EPHA5: variants seen among roughly 807,000 people sequenced by gnomAD.
The protein encoded by EPHA5 is ephrin type-A receptor 5.
EPHA5 carries 60 observed loss-of-function variants against 105.0 expected under a neutral mutation model. The observed-to-expected ratio is 0.57, with a 90% CI of 0.46 to 0.71. EPHA5 has a LOEUF of 0.71. EPHA5 is among the 30% of genes least tolerant of loss of function. EPHA5 has a pLI of 0.00. For synonymous variants in EPHA5, 513 were observed against 449.1 expected, an observed-to-expected ratio of 1.14 and a Z score of -1.80; for missense variants, 1,218 against 1,274.7, an observed-to-expected ratio of 0.96 and a Z score of 0.68.
At chr4:65,378,007 A>C (rs1719177035) in intron 8 of EPHA5, among the ~76,000 whole-genome samples, 1 of 151,892 alleles carries the variant, frequency 6.6e-6, no homozygotes. Context: ...ATTTCTAGAA[A>C]TGTATCTATT....
Position 65,332,012 on chromosome 4 carries a change from C to T in EPHA5, c.2906G>A (p.Gly969Glu), listed in dbSNP as rs2148798358. ...GRYTEIFMENGYSSMDAVAQV... is the reference protein window; with the variant it reads ...GRYTEIFMENEYSSMDAVAQV... Reference sequence around the variant, plus strand: ...AGCCACAGCGTCCATTGAACTGTATCCATTTTCCATGAAAATCTCTGTATA... The same window carrying T: ...AGCCACAGCGTCCATTGAACTGTATTCATTTTCCATGAAAATCTCTGTATA... The change falls in exon 16 of 17, where the codon GGA becomes GAA. Residue 969 changes from glycine (G) to glutamate (E), a missense_variant. Gly to Glu is a moderately conservative substitution (Grantham distance 98, BLOSUM62 -2). Coordinates refer to ENST00000613740, the MANE Select transcript of EPHA5 (RefSeq NM_001281766.3). 6.2e-7 allele frequency: 1 copy of T among 1,611,662 alleles called. No individual in the cohort carries two copies. The highest frequency in any genetic ancestry group is 8.5e-7 in the Non-Finnish European group (1 of 1,178,568).
intron 7 of EPHA5, among the ~76,000 whole-genome samples, chr4:65,405,688 TTC>T (rs1397116561): frequency 3.3e-5 from 5 of 152,154 alleles, no homozygotes; most frequent in African/African-American, 1.2e-4. Context: ...TGCTCTTACC[TTC>T]TCTCTTTTTG....
chr4:65,653,762 ATAAT>A (rs1748816523), intron 1 of EPHA5, among the ~76,000 whole-genome samples: 1 of 152,122 alleles, frequency 6.6e-6, no homozygotes, highest in Non-Finnish European at 1.5e-5. Context: ...AATAAAAGAA[ATAAT>A]TAAAATAAAA....
At chr4:65,575,611 AG>A (rs904360479) in intron 3 of EPHA5, among the ~76,000 whole-genome samples, 17 of 152,268 alleles carry the variant, frequency 1.1e-4, no homozygotes, top group Non-Finnish European at 1.9e-4. Flanking sequence ...ATTTGTTAAA[AG>A]GCCATTAATA....
intron 1 of EPHA5, among the ~76,000 whole-genome samples, chr4:65,645,271 G>A (rs1164894329): frequency 2.0e-5 from 3 of 151,992 alleles, no homozygotes; most frequent in Non-Finnish European, 4.4e-5. Context: ...AAATACCAAG[G>A]GGTTGCAGAA....
chr4:65,419,167 A>C (rs186695839), intron 6 of EPHA5, among the ~76,000 whole-genome samples: 1 of 152,060 alleles, frequency 6.6e-6, no homozygotes, highest in East Asian at 1.9e-4. Context: ...TACAGGCATG[A>C]GCCACCGCAC....
chr4:65,626,888 G>T (rs189251308), intron 2 of EPHA5, among the ~76,000 whole-genome samples: 1 of 152,226 alleles, frequency 6.6e-6, no homozygotes, highest in African/African-American at 2.4e-5. Flanking sequence ...TAAATTAAAA[G>T]GGAATTGATT....
At chr4:65,534,535 C>T (rs1442707876) in intron 3 of EPHA5, among the ~76,000 whole-genome samples, 1 of 152,164 alleles carries the variant, frequency 6.6e-6, no homozygotes, top group East Asian at 1.9e-4. Context: ...AAACCTCTTC[C>T]TCCTAACACT....
intron 3 of EPHA5, among the ~76,000 whole-genome samples, chr4:65,592,603 A>G (rs927253791): frequency 2.0e-5 from 3 of 152,234 alleles, no homozygotes; most frequent in Non-Finnish European, 2.9e-5. Flanking sequence ...CCTAATGGGA[A>G]GAAGAAAGCA....
At chr4:65,378,131 AAGT>A (rs1231260537) in intron 8 of EPHA5, among the ~76,000 whole-genome samples, 5 of 151,968 alleles carry the variant, frequency 3.3e-5, no homozygotes, top group Non-Finnish European at 7.4e-5. Flanking sequence ...TTCAAAGAAA[AAGT>A]AGACAATTTT....
chr4:65,417,108 G>T (rs1180394523), intron 6 of EPHA5, among the ~76,000 whole-genome samples: 1 of 152,158 alleles, frequency 6.6e-6, no homozygotes, highest in Non-Finnish European at 1.5e-5. Context: ...ACCCTGCCAA[G>T]GGGCAGCTTC....
At chr4:65,542,698 G>T (rs1398526100) in intron 3 of EPHA5, among the ~76,000 whole-genome samples, 3 of 151,802 alleles carry the variant, frequency 2.0e-5, no homozygotes, top group African/African-American at 7.2e-5. Context: ...TGAAAATAAG[G>T]GACTCCTCCC....
chr4:65,600,881 A>G (rs1743652689), intron 3 of EPHA5, among the ~76,000 whole-genome samples: 1 of 152,102 alleles, frequency 6.6e-6, no homozygotes. Flanking sequence ...AACTCACCAC[A>G]CTGCGGGCAA....
intron 3 of EPHA5, among the ~76,000 whole-genome samples, chr4:65,526,656 A>C (rs2149291927): frequency 6.6e-6 from 1 of 152,094 alleles, no homozygotes; most frequent in South Asian, 2.1e-4. Context: ...CAAATCATTT[A>C]GAGCAATAAA....
At chr4:65,401,030 A>G (rs1201538934) in intron 8 of EPHA5, among the ~76,000 whole-genome samples, 2 of 150,286 alleles carry the variant, frequency 1.3e-5, no homozygotes, top group African/African-American at 2.4e-5. Flanking sequence ...GATGGTAGTC[A>G]TGTGTGTGTG....
chr4:65,409,712 CTT>C (rs1403803850), intron 7 of EPHA5, among the ~76,000 whole-genome samples: 3 of 152,082 alleles, frequency 2.0e-5, no homozygotes, highest in Non-Finnish European at 4.4e-5. Flanking sequence ...ATCAGGGTAA[CTT>C]AATCAAAGGC....
intron 6 of EPHA5, among the ~76,000 whole-genome samples, chr4:65,416,013 TA>T (rs1723350517): frequency 6.6e-6 from 1 of 152,064 alleles, no homozygotes; most frequent in Non-Finnish European, 1.5e-5. Context: ...TATTTTCCCA[TA>T]TTGTTTAAAA....
At chr4:65,542,014 G>A (rs1046896814) in intron 3 of EPHA5, among the ~76,000 whole-genome samples, 1 of 151,886 alleles carries the variant, frequency 6.6e-6, no homozygotes, top group Admixed American at 6.6e-5. Context: ...TTAAAGTAAG[G>A]CAGAAATCAA....
At chr4:65,356,300 A>G (rs993222354) in intron 11 of EPHA5, among the ~76,000 whole-genome samples, 11 of 151,432 alleles carry the variant, frequency 7.3e-5, no homozygotes, top group African/African-American at 2.4e-4. Flanking sequence ...GGTAAATATG[A>G]CCACTGCTCA....
Sources: gnomAD v4.1 joint callset for allele counts (sites outside exome capture counted in the v4.1 genomes callset) on GRCh38, gnomAD v4.1.1 for gene constraint, MANE v1.5 for transcripts, NCBI Gene and HGNC (gene_info 2026-07-23, HGNC 2026-07-21) for gene names.